Variants in ZNF880 observed in about 807,000 individuals in gnomAD.
The protein encoded by ZNF880 is zinc finger protein 880.
In ZNF880, 12 loss-of-function variants were observed where a neutral mutation model predicts 11.8. That is an observed-to-expected ratio of 1.02 (90% CI 0.65 to 1.65). The LOEUF is 1.65. Among genes scored for constraint, ZNF880 ranks in the 40% most tolerant of loss-of-function variants. The pLI, the probability that ZNF880 is intolerant of heterozygous loss-of-function variation, is 0.00. For synonymous variants in ZNF880, 210 were observed against 232.4 expected, an observed-to-expected ratio of 0.90 and a Z score of 0.88; for missense variants, 601 against 673.9, an observed-to-expected ratio of 0.89 and a Z score of 1.20.
At chr19:52,389,306 G>C (rs1447050189), downstream of ZNF880, 1 of 152,204 alleles carries the variant, frequency 6.6e-6, no homozygotes, top group African/African-American at 2.4e-5. Flanking sequence ...TTATGAGCCT[G>C]TAAAATAAAA....
intron 3 of ZNF880, among the ~76,000 whole-genome samples, chr19:52,375,036 C>T (rs891274761): frequency 1.3e-5 from 2 of 151,746 alleles, no homozygotes; most frequent in African/African-American, 4.8e-5. Context: ...CATGCCTGGC[C>T]TAGAAGGGAA....
chr19:52,370,816 G>A (rs1487021202), intron 1 of ZNF880, among the ~76,000 whole-genome samples: 1 of 152,208 alleles, frequency 6.6e-6, no homozygotes, highest in African/African-American at 2.4e-5. Flanking sequence ...AGGCACAGTG[G>A]TGCACGCTTG....
At chr19:52,394,098 C>T in the ZNF880 span, among the ~76,000 whole-genome samples, 52 of 152,198 alleles carry the variant, frequency 3.4e-4, no homozygotes, top group Non-Finnish European at 3.1e-4. Context: ...CTTGGCCTCC[C>T]AAAGTGCTGG....
chr19:52,393,887 A>G, the ZNF880 span, among the ~76,000 whole-genome samples: 14 of 117,110 alleles, frequency 1.2e-4, no homozygotes, highest in South Asian at 3.1e-3. Context: ...CCCAGGCTGG[A>G]GTGCAGTGGC....
At chr19:52,368,044 CA>C (rs11297392), upstream of ZNF880, among the ~76,000 whole-genome samples, 11,138 of 139,010 alleles carry the variant, frequency 0.08, 430 homozygotes, top group African/African-American at 0.1. Context: ...ACTAAAAATA[CA>C]AAAAAAAAAA....
intron 1 of ZNF880, among the ~76,000 whole-genome samples, 198 bp from the exon 2 acceptor site, chr19:52,372,909 CAAAA>C (rs201869014): frequency 2.7e-4 from 19 of 69,932 alleles, no homozygotes; most frequent in African/African-American, 8.1e-4. Context: ...GACTCCGTCT[CAAAA>C]AAAAAAAAAA....
At chr19:52,373,054 C>T in intron 1 of ZNF880, 57 bp from the exon 2 acceptor site, 3 of 1,577,880 alleles carry the variant, frequency 1.9e-6, no homozygotes, top group Non-Finnish European at 2.6e-6. Flanking sequence ...TCAGTCCTTA[C>T]AACTGTCTCC....
intron 3 of ZNF880, among the ~76,000 whole-genome samples, chr19:52,375,488 G>A (rs1356428029): frequency 6.6e-6 from 1 of 151,886 alleles, no homozygotes; most frequent in Non-Finnish European, 1.5e-5. Flanking sequence ...CACTGCTCCC[G>A]GGCATAATGT....
chr19:52,378,548 G>A (rs1489068809), intron 3 of ZNF880, among the ~76,000 whole-genome samples: 1 of 151,164 alleles, frequency 6.6e-6, no homozygotes, highest in Non-Finnish European at 1.5e-5. Flanking sequence ...TCGGGAGGCT[G>A]AGGCAGGAGA....
At position 52,385,253 on chromosome 19, in the gene ZNF880, C is replaced by G; in HGVS notation, c.1673C>G (p.Thr558Ser). The G allele has an allele frequency of 6.4e-7, 1 of 1,551,714 alleles. No individual in the cohort carries two copies. The highest frequency in any genetic ancestry group is 8.7e-7 in the Non-Finnish European group (1 of 1,147,080). The change falls in exon 4 of 4, where the codon ACT (threonine) becomes AGT (serine). Residue 558 changes from threonine to serine, a missense_variant. Physicochemically the swap from Thr to Ser is moderately conservative, Grantham distance 58. Coordinates refer to ENST00000422689, the MANE Select transcript of ZNF880 (RefSeq NM_001145434.2). The part of the protein sequence containing the change: ...YRCHECGKDF[T>S]RNSNLANHHR... ...TGTCATGAATGTGGTAAGGACTTCA[C>G]TCGAAATTCAAACCTGGCAAATCAT...
chr19:52,396,017 G>A, the ZNF880 span, among the ~76,000 whole-genome samples: 44 of 151,898 alleles, frequency 2.9e-4, no homozygotes, highest in African/African-American at 1.0e-3. Flanking sequence ...GTGCAGTGGC[G>A]CAATCTTGGC....
the ZNF880 span, among the ~76,000 whole-genome samples, chr19:52,393,718 A>G: frequency 7.7e-6 from 1 of 129,436 alleles, no homozygotes; most frequent in African/African-American, 2.7e-5. Flanking sequence ...TCTTCCAATA[A>G]ATGTATATGG....
At chr19:52,373,669 A>ATT (rs35788651) in intron 2 of ZNF880, among the ~76,000 whole-genome samples, 26,040 of 102,138 alleles carry the variant, frequency 0.25, 3,807 homozygotes, top group African/African-American at 0.28. Context: ...AAATACTGTA[A>ATT]TTTTTTTTTT....
At chr19:52,380,284 G>GT (rs1376518339) in intron 3 of ZNF880, among the ~76,000 whole-genome samples, 8 of 143,540 alleles carry the variant, frequency 5.6e-5, no homozygotes, top group South Asian at 2.4e-4. Context: ...GTGATGTACT[G>GT]TTTTTTTTGT....
chr19:52,382,980 T>C (rs1164519879), intron 3 of ZNF880, among the ~76,000 whole-genome samples: 2 of 152,238 alleles, frequency 1.3e-5, no homozygotes, highest in African/African-American at 4.8e-5. Context: ...CATTTTTTCT[T>C]TTTGCTCTTT....
At chr19:52,378,837 G>T (rs964771668) in intron 3 of ZNF880, among the ~76,000 whole-genome samples, 1 of 152,024 alleles carries the variant, frequency 6.6e-6, no homozygotes, top group African/African-American at 2.4e-5. Context: ...TAGCACTTTG[G>T]GAGGCTGAGG....
At chr19:52,391,727 T>C in the ZNF880 span, among the ~76,000 whole-genome samples, 1 of 152,220 alleles carries the variant, frequency 6.6e-6, no homozygotes, top group African/African-American at 2.4e-5. Context: ...TTCCTAATTC[T>C]TGGTATCAGA....
chr19:52,390,204 CT>C, downstream of ZNF880: 1 of 179,208 alleles, frequency 5.6e-6, no homozygotes, highest in Non-Finnish European at 1.2e-5. Context: ...GCCTCAAATC[CT>C]TCAGTGTCCC....
chr19:52,388,282 C>CTTTTTTTTTTTTTTTTTTTTT (rs68179783), downstream of ZNF880, among the ~76,000 whole-genome samples: 7 of 63,424 alleles, frequency 1.1e-4, 2 homozygotes, highest in East Asian at 3.7e-4. Flanking sequence ...GCAATTTGAA[C>CTTTTTTTTTTTTTTTTTTTTT]TTTTTTTTTT....
Sources: allele counts gnomAD v4.1 joint callset (sites outside exome capture counted in the v4.1 genomes callset), GRCh38; gene constraint gnomAD v4.1.1; transcripts MANE v1.5; gene names NCBI Gene and HGNC (gene_info 2026-07-23, HGNC 2026-07-21).